Variants in ADGRV1 observed in about 807,000 individuals in gnomAD.
ADGRV1 encodes adhesion G protein-coupled receptor V1, also known as G-protein coupled receptor 98.
In ADGRV1, 359 loss-of-function variants were observed where a neutral mutation model predicts 596.2. That is an observed-to-expected ratio of 0.60 (90% confidence interval 0.55 to 0.66). ADGRV1 has a LOEUF of 0.66. ADGRV1 is among the 30% of genes least tolerant of loss of function. The pLI is 0.00. For missense variants in ADGRV1, 7,274 were observed against 7,575.6 expected (o/e 0.96, Z 1.48); for synonymous variants, 2,681 against 2,679.2 (o/e 1.00, Z -0.02).
At chr5:91,119,910 G>A (rs570805229) in intron 87 of ADGRV1, among the ~76,000 whole-genome samples, 4 of 152,338 alleles carry the variant, frequency 2.6e-5, no homozygotes, top group African/African-American at 9.6e-5. Context: ...CTTTGGCTTT[G>A]CTTGGCCTTT....
chr5:90,879,512 G>A (rs902760607), intron 83 of ADGRV1, among the ~76,000 whole-genome samples: 1 of 152,198 alleles, frequency 6.6e-6, no homozygotes, highest in African/African-American at 2.4e-5. Flanking sequence ...GGGAATCATA[G>A]ATTCCTGTTA....
intron 67 of ADGRV1, 109 bp downstream of exon 67, chr5:90,784,166 T>G (rs927295322): frequency 5.6e-6 from 4 of 718,608 alleles, no homozygotes; most frequent in Non-Finnish European, 9.0e-6. Context: ...CAATCAATAT[T>G]TATTAATTAT....
intron 83 of ADGRV1, among the ~76,000 whole-genome samples, chr5:90,935,429 C>T (rs955099719): frequency 1.3e-5 from 2 of 152,308 alleles, no homozygotes; most frequent in South Asian, 4.1e-4. Flanking sequence ...GTTCCAGCTT[C>T]CGCACCTCCT....
rs149486815 is a variant in ADGRV1 at position 91,038,000 on chromosome 5, A to C, written c.18153-34447A>C. Reference sequence around the variant, plus strand: ...ATAAGGTATACATGAAACATAAATGAATTTTGTGTTTAGACTTAGGTTCCA... The same window carrying C: ...ATAAGGTATACATGAAACATAAATGCATTTTGTGTTTAGACTTAGGTTCCA... On this transcript the variant is annotated intron_variant, in intron 85 of 89. Transcript: ENST00000405460. Among the ~76,000 whole-genome samples the C allele has an allele frequency of 2.5e-3, 376 of 152,308 alleles. 12 individuals carry two copies. In the East Asian group the frequency reaches 0.065, roughly 26 times the overall value.
chr5:91,117,569 G>T (rs1234995973), intron 87 of ADGRV1, among the ~76,000 whole-genome samples: 1 of 152,144 alleles, frequency 6.6e-6, no homozygotes, highest in East Asian at 1.9e-4. Context: ...TATGAGCAGG[G>T]ATTCTATAAT....
intron 1 of ADGRV1, among the ~76,000 whole-genome samples, chr5:90,599,519 T>C (rs1334398580): frequency 6.6e-6 from 1 of 152,218 alleles, no homozygotes; most frequent in African/African-American, 2.4e-5. Context: ...GCAAAGAGTA[T>C]TTTCACATTT....
In ADGRV1 at chr5:90,811,089, C is replaced by T. The variant is rs375450242; in HGVS notation, c.15829C>T (p.Arg5277Cys). The T allele has an allele frequency of 7.2e-5, 117 of 1,613,866 alleles. 3 individuals carry two copies. The East Asian group carries it at 1.6e-3, about 22-fold the overall frequency. The change falls in exon 74 of 90, where the codon CGT becomes TGT. Residue 5277 changes from arginine (R) to cysteine (C), a missense_variant. By Grantham distance (180) the Arg-to-Cys change is radical (BLOSUM62 -3). Around this residue, in one of 5 missense-constraint regions of ADGRV1, gnomAD observed 1,874 missense variants for 1,970.2 expected, o/e 0.95. Transcript: ENST00000405460. Reference protein sequence around the residue: ...AQMEPNALPFRGIYGISNLTW... With the variant: ...AQMEPNALPFCGIYGISNLTW... ...GATGGAACCAAATGCATTGCCCTTT[C>T]GTGGTATCTATGGGATTTCCAACCT...
chr5:91,055,742 A>G (rs542898015), intron 85 of ADGRV1, among the ~76,000 whole-genome samples: 122 of 152,288 alleles, frequency 8.0e-4, no homozygotes, highest in African/African-American at 2.2e-3. Flanking sequence ...TCCACACATA[A>G]TCCAACCCAG....
intron 71 of ADGRV1, among the ~76,000 whole-genome samples, chr5:90,803,857 A>G (rs1761645750): frequency 6.6e-6 from 1 of 151,960 alleles, no homozygotes; most frequent in Non-Finnish European, 1.5e-5. Flanking sequence ...AAAACCATTC[A>G]TTTGGAGGAA....
intron 73 of ADGRV1, 68 bp downstream of exon 73, chr5:90,807,805 AG>A (rs750002859): frequency 7.5e-5 from 101 of 1,351,994 alleles, no homozygotes; most frequent in Non-Finnish European, 9.4e-5. Context: ...CCATCAAAAC[AG>A]AAAAAGGCAC....
At chr5:90,673,040 T>G (rs1418639212) in intron 22 of ADGRV1, 1 of 258,316 alleles carries the variant, frequency 3.9e-6, no homozygotes, top group East Asian at 7.3e-5. Flanking sequence ...ATACTGCATA[T>G]GTCAAAACAT....
At chr5:90,635,415 T>G in intron 10 of ADGRV1, 125 bp downstream of exon 10, 1 of 774,734 alleles carries the variant, frequency 1.3e-6, no homozygotes, top group East Asian at 2.5e-5. Context: ...ACAAGAAGCC[T>G]TCAGTATGTC....
chr5:90,750,680 T>A lies in ADGRV1; in HGVS notation c.11104T>A (p.Phe3702Ile), dbSNP rs1178014198. The change falls in exon 53 of 90, where the codon TTT becomes ATT. Residue 3702 changes from phenylalanine (F) to isoleucine (I), a missense_variant. Phe to Ile is a conservative substitution (Grantham distance 21, BLOSUM62 0). Around this residue, in one of 5 missense-constraint regions of ADGRV1, gnomAD observed 3,643 missense variants for 3,809.2 expected, o/e 0.96. Transcript: ENST00000405460. The stretch of plus-strand genomic sequence containing the variant: ...AGCTGATGGAAGTATTAGTGATATA[T>A]TTCCTACCTCAGGAGTGGTATGTAA... ...WEADGSISDIFPTSGVILFTE... is the reference protein window; with the variant it reads ...WEADGSISDIIPTSGVILFTE... 6 of 1,611,624 alleles carry A rather than the reference T, an allele frequency of 3.7e-6. No homozygotes were observed. In the East Asian group the frequency reaches 1.3e-4, roughly 36 times the overall value.
chr5:91,009,878 T>C (rs1321997838), intron 85 of ADGRV1, among the ~76,000 whole-genome samples: 2 of 152,058 alleles, frequency 1.3e-5, no homozygotes, highest in Non-Finnish European at 2.9e-5. Context: ...GGACATACAA[T>C]TAAATATGTT....
chr5:91,160,713 C>A (rs937335267), intron 89 of ADGRV1, among the ~76,000 whole-genome samples: 2 of 151,994 alleles, frequency 1.3e-5, no homozygotes, highest in African/African-American at 4.8e-5. Flanking sequence ...CCCGCCTATA[C>A]CATTTAATGA....
At chr5:90,845,599 T>C (rs1765804950) in intron 78 of ADGRV1, among the ~76,000 whole-genome samples, 1 of 151,172 alleles carries the variant, frequency 6.6e-6, no homozygotes, top group Non-Finnish European at 1.5e-5. Context: ...GTTTCTGGTA[T>C]GATTTTTTTT....
chr5:91,005,179 T>C (rs147564582), intron 85 of ADGRV1, among the ~76,000 whole-genome samples: 9 of 152,298 alleles, frequency 5.9e-5, no homozygotes, highest in Admixed American at 5.2e-4. Context: ...GGTTGGCTGA[T>C]TTAAGTTTCT....
intron 30 of ADGRV1, among the ~76,000 whole-genome samples, chr5:90,690,279 T>A (rs1746299790): frequency 6.6e-6 from 1 of 152,242 alleles, no homozygotes; most frequent in South Asian, 2.1e-4. Context: ...TCTCTTAGCA[T>A]ATGTGGAGAA....
At chr5:91,100,641 A>G (rs1202071237) in intron 86 of ADGRV1, among the ~76,000 whole-genome samples, 2 of 152,228 alleles carry the variant, frequency 1.3e-5, no homozygotes, top group South Asian at 2.1e-4. Flanking sequence ...AGATATTTAC[A>G]TAGTTTCAAA....
Sources: gnomAD v4.1 joint callset for allele counts (sites outside exome capture counted in the v4.1 genomes callset) on GRCh38, gnomAD v4.1.1 for gene constraint, gnomAD v4.1.1 regional missense constraint, MANE v1.5 for transcripts, NCBI Gene and HGNC (gene_info 2026-07-23, HGNC 2026-07-21) for gene names.